Variants in DSCAM observed in about 807,000 individuals in gnomAD.
DSCAM encodes the protein cell adhesion molecule DSCAM.
DSCAM carries 47 observed loss-of-function variants against 217.7 expected under a neutral mutation model. The observed-to-expected ratio is 0.22, with a 90% CI of 0.17 to 0.28. The LOEUF is 0.28. DSCAM is among the 10% of genes least tolerant of loss of function. DSCAM has a pLI of 1.00. For missense variants in DSCAM, 2,080 were observed against 2,618.3 expected (o/e 0.79, Z 4.49); for synonymous variants, 1,056 against 1,015.3 (o/e 1.04, Z -0.76).
Position 40,236,623 on chromosome 21 carries a change from T to C in DSCAM, c.2356+39474A>G, listed in dbSNP as rs1178189893. On this transcript the variant is annotated intron_variant, in intron 11 of 32. Transcript: ENST00000400454. ...CCCAGACTCACAACCTGGCTCTGCT[T>C]CATAGAAGCCTGGGGTCAACTGAGC... 2.6e-5 allele frequency among the ~76,000 whole-genome samples: 4 copies of C among 152,266 alleles called. No individual in the cohort carries two copies. In the East Asian group the frequency reaches 5.8e-4, roughly 22 times the overall value.
intron 11 of DSCAM, among the ~76,000 whole-genome samples, chr21:40,256,557 C>T (rs2073375184): frequency 6.6e-6 from 1 of 152,134 alleles, no homozygotes; most frequent in Non-Finnish European, 1.5e-5. Context: ...GCAGGCTGTA[C>T]CCAGGAAAGA....
intron 1 of DSCAM, among the ~76,000 whole-genome samples, chr21:40,767,721 A>C (rs1453400885): frequency 6.6e-6 from 1 of 152,188 alleles, no homozygotes; most frequent in Non-Finnish European, 1.5e-5. Flanking sequence ...CAGCCTTGCT[A>C]ACATTTGGTC....
intron 3 of DSCAM, among the ~76,000 whole-genome samples, chr21:40,439,210 T>C (rs976539702): frequency 4.6e-5 from 7 of 152,354 alleles, no homozygotes; most frequent in Non-Finnish European, 1.0e-4. Flanking sequence ...ACAAAACAGC[T>C]ATGATAGGTC....
At chr21:40,131,460 C>A (rs2090153560) in intron 19 of DSCAM, among the ~76,000 whole-genome samples, 1 of 152,298 alleles carries the variant, frequency 6.6e-6, no homozygotes, top group South Asian at 2.1e-4. Context: ...GAGTCTCGAT[C>A]CGTCACCCAG....
chr21:40,184,939 C>G (rs2090877204), intron 14 of DSCAM, among the ~76,000 whole-genome samples: 1 of 152,098 alleles, frequency 6.6e-6, no homozygotes, highest in South Asian at 2.1e-4. Context: ...TGAGTATGCT[C>G]CAGACAACGA....
chr21:40,806,789 G>T (rs1484378728), intron 1 of DSCAM, among the ~76,000 whole-genome samples: 1 of 152,114 alleles, frequency 6.6e-6, no homozygotes, highest in Non-Finnish European at 1.5e-5. Context: ...CATATAAAAC[G>T]ATGAGTTCAT....
chr21:40,022,278 A>G (rs960511882), intron 32 of DSCAM, among the ~76,000 whole-genome samples: 3 of 152,126 alleles, frequency 2.0e-5, no homozygotes, highest in South Asian at 2.1e-4. Context: ...CACTATTGAT[A>G]CCTATTGGTC....
intron 3 of DSCAM, among the ~76,000 whole-genome samples, chr21:40,428,384 C>A (rs1315893709): frequency 1.3e-5 from 2 of 151,880 alleles, no homozygotes; most frequent in East Asian, 3.9e-4. Flanking sequence ...AATTCTCCTG[C>A]CTCAGCCTCC....
At chr21:40,437,424 A>G (rs1193364802) in intron 3 of DSCAM, among the ~76,000 whole-genome samples, 2 of 152,236 alleles carry the variant, frequency 1.3e-5, no homozygotes, top group Non-Finnish European at 1.5e-5. Context: ...TGGGAGAAGT[A>G]TGAAGATTCC....
chr21:40,654,515 G>A (rs1352140269), intron 3 of DSCAM, among the ~76,000 whole-genome samples: 1 of 152,196 alleles, frequency 6.6e-6, no homozygotes, highest in African/African-American at 2.4e-5. Context: ...GTTACCTCAT[G>A]CTTTAGAGAT....
intron 11 of DSCAM, among the ~76,000 whole-genome samples, chr21:40,217,273 A>T (rs73213105): frequency 6.6e-6 from 1 of 152,202 alleles, no homozygotes; most frequent in African/African-American, 2.4e-5. Flanking sequence ...GCATAGAAAG[A>T]TATCATTCAT....
intron 3 of DSCAM, among the ~76,000 whole-genome samples, chr21:40,541,728 T>A (rs546626326): frequency 6.6e-6 from 1 of 152,184 alleles, no homozygotes; most frequent in Non-Finnish European, 1.5e-5. Context: ...TGAACTTTAA[T>A]AAAGTAATAA....
chr21:40,125,434 T>C (rs1038207889), intron 19 of DSCAM, among the ~76,000 whole-genome samples: 2 of 152,154 alleles, frequency 1.3e-5, no homozygotes, highest in Non-Finnish European at 2.9e-5. Flanking sequence ...GATGGAGACA[T>C]TGAAATTCAA....
At chr21:40,210,610 T>C (rs183150147) in intron 11 of DSCAM, among the ~76,000 whole-genome samples, 2 of 152,372 alleles carry the variant, frequency 1.3e-5, no homozygotes, top group Admixed American at 6.5e-5. Context: ...AGTGGCACGA[T>C]CTTGGCTCAC....
At chr21:40,669,576 A>T (rs931369839) in intron 3 of DSCAM, among the ~76,000 whole-genome samples, 12 of 112,324 alleles carry the variant, frequency 1.1e-4, no homozygotes, top group Admixed American at 2.5e-4. Context: ...ATTTTCCCAA[A>T]TGTTGTTATA....
chr21:40,348,096 A>G (rs1011887241), intron 5 of DSCAM, 151 bp from the exon 6 acceptor site: 2 of 605,348 alleles, frequency 3.3e-6, no homozygotes, highest in Non-Finnish European at 2.9e-6. Context: ...CATACTCCAC[A>G]CAGTTCCCAT....
intron 11 of DSCAM, among the ~76,000 whole-genome samples, chr21:40,240,126 T>C (rs1031089606): frequency 3.3e-5 from 5 of 152,198 alleles, no homozygotes; most frequent in Admixed American, 3.3e-4. Flanking sequence ...CCCCCTGCAA[T>C]GCAGATGCGG....
chr21:40,615,582 T>C (rs1183370329), intron 3 of DSCAM: 1 of 152,166 alleles, frequency 6.6e-6, no homozygotes, highest in East Asian at 1.9e-4. Context: ...TTTCATTATT[T>C]TGAGTGGTGA....
Position 40,577,700 on chromosome 21 carries a change from A to AG in DSCAM, c.508+115109dup, listed in dbSNP as rs1213052020. On this transcript the variant is annotated intron_variant, in intron 3 of 32. Transcript: ENST00000400454. The stretch of plus-strand genomic sequence containing the variant: ...TTTTATACTTTGGTTTAGAAAGGGG[A>AG]GGGGGGTCTAGTTAGAACAATTTTA... Among the ~76,000 whole-genome samples, 8 of 152,170 alleles carry AG rather than the reference A, an allele frequency of 5.3e-5. 1 individual carries two copies. The highest frequency in any genetic ancestry group is 1.0e-4 in the Non-Finnish European group (7 of 68,012).
Sources: gnomAD v4.1 joint callset for allele counts (sites outside exome capture counted in the v4.1 genomes callset) on GRCh38, gnomAD v4.1.1 for gene constraint, MANE v1.5 for transcripts, NCBI Gene and HGNC (gene_info 2026-07-23, HGNC 2026-07-21) for gene names.